BRD9: variants seen among roughly 807,000 people sequenced by gnomAD.
BRD9 encodes bromodomain-containing protein 9.
In BRD9, 47 loss-of-function variants were observed where a neutral mutation model predicts 68.7. The ratio of observed to expected loss-of-function variants is 0.68; its 90% CI spans 0.54 to 0.87. The LOEUF is 0.87. Among genes scored for constraint, BRD9 ranks in the 40% least tolerant of loss-of-function variants. The pLI, the probability that BRD9 is intolerant of heterozygous loss-of-function variation, is 0.00. For missense variants in BRD9, 670 were observed against 748.4 expected, an observed-to-expected ratio of 0.90 and a Z score of 1.22; for synonymous variants, 313 against 293.9, an observed-to-expected ratio of 1.06 and a Z score of -0.67.
chr5:878,321 C>T, intron 11 of BRD9, 34 bp downstream of exon 11: 1 of 1,609,594 alleles, frequency 6.2e-7, no homozygotes, highest in Non-Finnish European at 8.5e-7. Context: ...TCAAGCTGCA[C>T]AGCAGCCAAG....
intron 9 of BRD9, among the ~76,000 whole-genome samples, chr5:880,410 T>TTA (rs1363178930): frequency 2.0e-5 from 3 of 148,970 alleles, no homozygotes; most frequent in Non-Finnish European, 3.0e-5. Context: ...AAGCTGAAGA[T>TTA]TATATAGATC....
At chr5:887,087 G>T (rs925995991) in intron 6 of BRD9, among the ~76,000 whole-genome samples, 3 of 152,200 alleles carry the variant, frequency 2.0e-5, no homozygotes, top group African/African-American at 7.2e-5. Context: ...AAACAAGCCC[G>T]CAATGCTGGC....
At chr5:871,696 T>A in intron 12 of BRD9, 132 bp from the exon 13 acceptor site, 1 of 839,728 alleles carries the variant, frequency 1.2e-6, no homozygotes, top group Non-Finnish European at 2.0e-6. Context: ...TCACACCATC[T>A]TAATGGATTA....
intron 11 of BRD9, among the ~76,000 whole-genome samples, chr5:876,638 T>C (rs1282512027): frequency 6.6e-6 from 1 of 152,194 alleles, no homozygotes; most frequent in Non-Finnish European, 1.5e-5. Context: ...CTCCTTTTAG[T>C]ACCATCCTGA....
Position 881,447 on chromosome 5 carries a change from A to C in BRD9, c.967-265T>G, listed in dbSNP as rs527240157. The C allele has an allele frequency of 3.3e-5, 18 of 542,588 alleles. No homozygotes were observed. The East Asian group carries it at 5.4e-4, about 16-fold the overall frequency. 33.6% of individuals were successfully genotyped at this position (542,588 alleles called of 1,614,324 possible). On this transcript the variant is annotated intron_variant, in intron 8 of 15. Transcript: ENST00000467963. ...AAACAAAAACCTTCACCCACGAGTA[A>C]ACATTTAAAATTGCTCATGAGCCTT... is the stretch of plus-strand genomic sequence containing the variant.
chr5:875,172 C>G (rs1349938328), intron 12 of BRD9, among the ~76,000 whole-genome samples: 9 of 152,228 alleles, frequency 5.9e-5, no homozygotes, highest in Non-Finnish European at 1.0e-4. Flanking sequence ...AGCCGAGGCT[C>G]TGTGAGCCAC....
chr5:867,884 T>A lies in BRD9; in HGVS notation c.1526-2303A>T, dbSNP rs953197100. On this transcript the variant is annotated intron_variant, in intron 14 of 15. Coordinates refer to ENST00000467963, the MANE Select transcript of BRD9 (RefSeq NM_023924.5). ...GGAATGAGTTAAGACTTTAGGGGAC[T>A]GTTAGGAAGGCATGATTGTGTTTTG... Among the ~76,000 whole-genome samples the A allele has an allele frequency of 2.0e-5, 3 of 152,218 alleles. No individual in the cohort carries two copies. The South Asian group carries it at 6.2e-4, about 32-fold the overall frequency.
At chr5:871,455 C>T in intron 13 of BRD9, 71 bp downstream of exon 13, 1 of 1,436,376 alleles carries the variant, frequency 7.0e-7, no homozygotes, top group South Asian at 1.1e-5. Flanking sequence ...GACCTCCCCA[C>T]CTCAAAGGCT....
At chr5:883,202 A>G (rs1267817954) in intron 8 of BRD9, 2 of 396,664 alleles carry the variant, frequency 5.0e-6, no homozygotes, top group Non-Finnish European at 1.0e-5. Context: ...CCCCCACTTC[A>G]GCGTTCTTTA....
intron 8 of BRD9, 131 bp from the exon 9 acceptor site, chr5:881,313 C>G: frequency 1.2e-6 from 1 of 830,874 alleles, no homozygotes; most frequent in Non-Finnish European, 1.9e-6. Context: ...CAGAGGGCCC[C>G]TCACGGCATT....
Position 876,077 on chromosome 5 carries a change from A to G in BRD9, c.1383+24T>C, listed in dbSNP as rs57728463. The G allele has an allele frequency of 7.9e-5, 124 of 1,563,210 alleles. No individual in the cohort carries two copies. The African/African-American group carries it at 1.3e-3, about 16-fold the overall frequency. On this transcript the variant is annotated intron_variant, in intron 12 of 15. Transcript: ENST00000467963. The stretch of plus-strand genomic sequence containing the variant: ...AGCACCCCAAGGGCACCTGCCCCCC[A>G]ACCCCGGTGCGAGTGCAGCCCACCT...
chr5:888,402 C>G (rs1315278202), intron 5 of BRD9: 1 of 152,318 alleles, frequency 6.6e-6, no homozygotes, highest in East Asian at 1.9e-4. Context: ...TGTGAGTCAG[C>G]AAACCCTTCA....
rs367613682 is a variant in BRD9, at chr5:878,340, G to A, written c.1271+15C>T. ...GCTGCACAGCAGCCAAGGGCTCCCCGGGGCCGACACTTGCCTCAGCGCACA... is the reference window on the plus strand; with the variant it reads ...GCTGCACAGCAGCCAAGGGCTCCCCAGGGCCGACACTTGCCTCAGCGCACA... On this transcript the variant is annotated intron_variant, in intron 11 of 15. Transcript: ENST00000467963. 5.7e-5 allele frequency: 92 copies of A among 1,612,482 alleles called. No homozygotes were observed. The highest frequency in any genetic ancestry group is 7.0e-5 in the Non-Finnish European group (83 of 1,179,984).
At chr5:889,546 AC>A (rs751535494) in intron 4 of BRD9, 40 bp downstream of exon 4, 39 of 1,600,918 alleles carry the variant, frequency 2.4e-5, no homozygotes, top group Admixed American at 5.1e-5. Flanking sequence ...ATGACACCAC[AC>A]CCCCCCAGAC....
intron 14 of BRD9, chr5:866,594 G>C (rs1749414266): frequency 6.6e-6 from 1 of 152,668 alleles, no homozygotes; most frequent in Non-Finnish European, 1.5e-5. Context: ...GGTGGTCTCA[G>C]ATGGAGACGA....
intron 1 of BRD9, chr5:892,098 T>G: frequency 1.7e-6 from 1 of 581,360 alleles, no homozygotes; most frequent in East Asian, 3.2e-5. Flanking sequence ...AGAGGCCCTG[T>G]GGGATGTTGT....
At chr5:872,707 A>G (rs146421224) in intron 12 of BRD9, among the ~76,000 whole-genome samples, 1 of 152,230 alleles carries the variant, frequency 6.6e-6, no homozygotes, top group African/African-American at 2.4e-5. Flanking sequence ...CCCTCCAAGC[A>G]TGGAAATCAA....
At position 884,088 on chromosome 5, in the gene BRD9, C is replaced by G. The variant is rs1752204718; in HGVS notation, c.834-18G>C. 6.2e-7 allele frequency: 1 copy of G among 1,610,272 alleles called. No homozygotes were observed. The highest frequency in any genetic ancestry group is 8.5e-7 in the Non-Finnish European group (1 of 1,178,280). On this transcript the variant is annotated intron_variant, in intron 7 of 15. Transcript: ENST00000467963. ...ACATGCAGCTGTGAGGTGGGGACAA[C>G]CAAGTCACCTGGAGGCAGCGTCCCC...
chr5:880,915 C>T (rs1011830762), intron 9 of BRD9, among the ~76,000 whole-genome samples, 192 bp downstream of exon 9: 8 of 152,248 alleles, frequency 5.3e-5, no homozygotes, highest in Admixed American at 3.3e-4. Flanking sequence ...ACCAGCACCC[C>T]CGCCCCGCGA....
Sources: allele counts gnomAD v4.1 joint callset (sites outside exome capture counted in the v4.1 genomes callset), GRCh38; gene constraint gnomAD v4.1.1; transcripts MANE v1.5; gene names NCBI Gene and HGNC (gene_info 2026-07-23, HGNC 2026-07-21).